Variants in PAH observed in about 807,000 individuals in gnomAD.
The protein encoded by PAH is phenylalanine hydroxylase, also known as phenylalanine-4-hydroxylase.
PAH carries 64 observed loss-of-function variants against 62.0 expected under a neutral mutation model. That is an observed-to-expected ratio of 1.03 (90% CI 0.84 to 1.27). PAH has a LOEUF of 1.27. Ranked by LOEUF, PAH falls within the 50% of genes most tolerant of loss-of-function variation. The pLI is 0.00. For missense variants in PAH, 579 were observed against 542.8 expected (o/e 1.07, Z -0.66); for synonymous variants, 195 against 196.2 (o/e 0.99, Z 0.05).
At chr12:102,857,039 G>A (rs1875467723) in intron 5 of PAH, among the ~76,000 whole-genome samples, 1 of 152,190 alleles carries the variant, frequency 6.6e-6, no homozygotes, top group South Asian at 2.1e-4. Context: ...TGAGCTAAAG[G>A]AGGAAGTTCG....
chr12:102,909,994 A>G (rs922081640), intron 2 of PAH, among the ~76,000 whole-genome samples: 1 of 152,192 alleles, frequency 6.6e-6, no homozygotes, highest in African/African-American at 2.4e-5. Flanking sequence ...AAGTGAAAAG[A>G]TACTTTTAAA....
intron 1 of PAH, among the ~76,000 whole-genome samples, chr12:102,913,409 G>A (rs1013457451): frequency 9.2e-5 from 14 of 152,142 alleles, no homozygotes; most frequent in African/African-American, 2.4e-4. Context: ...CTTTTGAATC[G>A]TAAGACCTGG....
chr12:102,934,632 C>G (rs975123504), intron 1 of PAH, among the ~76,000 whole-genome samples: 1 of 151,742 alleles, frequency 6.6e-6, no homozygotes, highest in African/African-American at 2.4e-5. Context: ...TTGTAGAGAC[C>G]TTTCACTTCT....
rs752460880 is a variant in PAH at position 102,877,452 on chromosome 12, A to G, written c.441+10T>C. 6.2e-7 allele frequency: 1 copy of G among 1,606,118 alleles called. No homozygotes were observed. Among genetic ancestry groups the G allele is most frequent in the South Asian group, 1.1e-5 (1 of 90,948 alleles). ...CTGAAAAAATCTCATCCTACGGGCC[A>G]TGGACTCACAGGGTGGTCAGCATCC... On this transcript the variant is annotated intron_variant, in intron 4 of 12. Coordinates refer to ENST00000553106, the MANE Select transcript of PAH (RefSeq NM_000277.3).
chr12:102,842,065 G>T (rs1874617333), intron 11 of PAH, among the ~76,000 whole-genome samples: 1 of 152,184 alleles, frequency 6.6e-6, no homozygotes, highest in African/African-American at 2.4e-5. Flanking sequence ...TTTCATGGTT[G>T]TTTCCCTTGA....
At chr12:102,877,972 C>G (rs1876645784) in intron 3 of PAH, among the ~76,000 whole-genome samples, 1 of 152,082 alleles carries the variant, frequency 6.6e-6, no homozygotes, top group Non-Finnish European at 1.5e-5. Flanking sequence ...ATTACAGGTG[C>G]ACGCCATCAT....
chr12:102,929,569 C>T (rs114849102), intron 1 of PAH, among the ~76,000 whole-genome samples: 1 of 152,034 alleles, frequency 6.6e-6, no homozygotes, highest in Non-Finnish European at 1.5e-5. Context: ...AGGTGGAGTG[C>T]CCTTGAAGTG....
At chr12:102,892,093 G>A (rs963929149) in intron 3 of PAH, among the ~76,000 whole-genome samples, 1 of 152,174 alleles carries the variant, frequency 6.6e-6, no homozygotes, top group African/African-American at 2.4e-5. Flanking sequence ...TGCCCTCCAG[G>A]GACCTGAGCC....
At chr12:102,911,268 AT>A (rs1312553359) in intron 2 of PAH, among the ~76,000 whole-genome samples, 1 of 152,144 alleles carries the variant, frequency 6.6e-6, no homozygotes, top group Non-Finnish European at 1.5e-5. Flanking sequence ...AAAGTTATAT[AT>A]TTTAGTACTT....
At chr12:102,943,634 A>C (rs1442214837) in intron 1 of PAH, among the ~76,000 whole-genome samples, 2 of 152,124 alleles carry the variant, frequency 1.3e-5, no homozygotes, top group African/African-American at 4.8e-5. Context: ...CAGCATTATT[A>C]GCAATAGCAA....
upstream of PAH, among the ~76,000 whole-genome samples, chr12:102,921,628 C>T (rs1878553900): frequency 6.6e-6 from 1 of 152,188 alleles, no homozygotes; most frequent in Admixed American, 6.5e-5. Context: ...GTGCTCTTCT[C>T]TCTAGCATCT....
At chr12:102,889,084 G>T (rs1403245549) in intron 3 of PAH, among the ~76,000 whole-genome samples, 1 of 152,018 alleles carries the variant, frequency 6.6e-6, no homozygotes, top group African/African-American at 2.4e-5. Flanking sequence ...AGCCCTAAGC[G>T]GCTTCTCTCT....
intron 5 of PAH, among the ~76,000 whole-genome samples, chr12:102,864,304 A>G (rs1452271562): frequency 6.6e-6 from 1 of 152,164 alleles, no homozygotes; most frequent in Non-Finnish European, 1.5e-5. Flanking sequence ...TAGCTTGAAC[A>G]TAACTATTTG....
chr12:102,918,045 C>T (rs1466338311), upstream of PAH, among the ~76,000 whole-genome samples: 5 of 152,168 alleles, frequency 3.3e-5, no homozygotes, highest in Non-Finnish European at 7.3e-5. Flanking sequence ...ACTCTGCCTC[C>T]CCAGCTATGC....
intron 12 of PAH, among the ~76,000 whole-genome samples, chr12:102,840,001 T>A (rs890421919): frequency 6.6e-6 from 1 of 152,282 alleles, no homozygotes; most frequent in Non-Finnish European, 1.5e-5. Context: ...AATATTCTCA[T>A]TATGAAGGAA....
intron 4 of PAH, among the ~76,000 whole-genome samples, chr12:102,877,064 C>T (rs1876596811): frequency 6.6e-6 from 1 of 152,102 alleles, no homozygotes; most frequent in Non-Finnish European, 1.5e-5. Flanking sequence ...GATTCAGTTT[C>T]AACGTCGCCA....
At chr12:102,856,728 G>T (rs1276554327) in intron 5 of PAH, among the ~76,000 whole-genome samples, 1 of 152,224 alleles carries the variant, frequency 6.6e-6, no homozygotes, top group Non-Finnish European at 1.5e-5. Context: ...AACAGGGTCT[G>T]GAGTGGACCT....
chr12:102,882,768 C>A (rs988444757), intron 3 of PAH, among the ~76,000 whole-genome samples: 4 of 150,724 alleles, frequency 2.7e-5, no homozygotes, highest in African/African-American at 9.7e-5. Context: ...CCACTTATTT[C>A]GTTGTGTAAC....
chr12:102,949,213 T>C (rs1879635806), intron 1 of PAH, among the ~76,000 whole-genome samples: 1 of 152,198 alleles, frequency 6.6e-6, no homozygotes, highest in South Asian at 2.1e-4. Flanking sequence ...TCTCTTGCCC[T>C]AGTCCCCAGG....
Sources: allele counts gnomAD v4.1 joint callset (sites outside exome capture counted in the v4.1 genomes callset), GRCh38; gene constraint gnomAD v4.1.1; transcripts MANE v1.5; gene names NCBI Gene and HGNC (gene_info 2026-07-23, HGNC 2026-07-21).